The following CIBAR1 variants were observed in gnomAD, a reference collection of about 807,000 sequenced individuals.
CIBAR1 encodes the protein CBY1 interacting BAR domain containing 1, also known as CBY1-interacting BAR domain-containing protein 1.
In CIBAR1, 25 loss-of-function variants were observed where a neutral mutation model predicts 44.0. The ratio of observed to expected loss-of-function variants is 0.57; its 90% CI spans 0.41 to 0.79. The LOEUF (loss-of-function observed/expected upper bound fraction) is 0.79, where lower values mean the gene tolerates loss of function less well. CIBAR1 is among the 30% of genes least tolerant of loss of function. CIBAR1 has a pLI of 0.00. For synonymous variants in CIBAR1, 115 were observed against 119.0 expected (o/e 0.97, Z 0.22); for missense variants, 278 against 344.8 (o/e 0.81, Z 1.53).
chr8:93,723,510 TCC>T (rs573273691), intron 7 of CIBAR1, among the ~76,000 whole-genome samples: 60 of 151,942 alleles, frequency 3.9e-4, no homozygotes, highest in African/African-American at 1.3e-3. Context: ...GGTCTCCTTT[TCC>T]CCCCCTCATA....
chr8:93,700,561 G>C lies in CIBAR1; in HGVS notation c.-87G>C. 7.3e-7 allele frequency: 1 copy of C among 1,374,590 alleles called. No homozygotes were observed. Among genetic ancestry groups the C allele is most frequent in the Non-Finnish European group, 9.4e-7 (1 of 1,062,782 alleles). 85.1% of individuals were successfully genotyped at this position (1,374,590 alleles called of 1,614,324 possible). A position where few individuals can be genotyped will look rare whatever the true frequency, so the allele number is the denominator to read the frequency against. On this transcript the variant is annotated 5_prime_UTR_variant, in exon 1 of 9. Transcript: ENST00000518322. ...AGGGGCGGGCTTTCAGGCTCCCGGC[G>C]GCTGCTTGCGCCCCAGCGCGCGCCC...
chr8:93,714,434 C>A (rs985014027), intron 6 of CIBAR1, among the ~76,000 whole-genome samples: 31 of 152,266 alleles, frequency 2.0e-4, no homozygotes, highest in South Asian at 1.7e-3. Flanking sequence ...CTCCCATAAC[C>A]CTAGCAGACT....
chr8:93,709,987 A>C (rs1810757742), intron 6 of CIBAR1, 112 bp downstream of exon 6: 1 of 739,512 alleles, frequency 1.4e-6, no homozygotes, highest in Non-Finnish European at 2.2e-6. Context: ...TTATAAAGAA[A>C]ATATGATAAA....
intron 1 of CIBAR1, chr8:93,700,893 C>CCGGGTCT: frequency 7.6e-7 from 1 of 1,312,352 alleles, no homozygotes; most frequent in Non-Finnish European, 9.6e-7. Context: ...ACCCACGCCA[C>CCGGGTCT]CGGGTCTCGG....
intron 7 of CIBAR1, among the ~76,000 whole-genome samples, chr8:93,723,517 CT>C (rs751860720): frequency 3.3e-5 from 5 of 152,038 alleles, no homozygotes; most frequent in African/African-American, 9.7e-5. Context: ...TTTTCCCCCC[CT>C]CATAGATGTT....
intron 6 of CIBAR1, among the ~76,000 whole-genome samples, chr8:93,718,183 G>A (rs997632456): frequency 6.6e-5 from 10 of 152,278 alleles, no homozygotes; most frequent in Middle Eastern, 3.4e-3. Flanking sequence ...TCAGTGGCAG[G>A]AGTGTCATTA....
At chr8:93,717,986 T>C (rs1342984031) in intron 6 of CIBAR1, among the ~76,000 whole-genome samples, 2 of 152,120 alleles carry the variant, frequency 1.3e-5, no homozygotes, top group Admixed American at 1.3e-4. Flanking sequence ...GGTTTATCTG[T>C]GAAGGAAATG....
At chr8:93,701,047 C>G (rs1442859662) in intron 1 of CIBAR1, 177 bp from the exon 2 acceptor site, 6 of 1,451,464 alleles carry the variant, frequency 4.1e-6, no homozygotes, top group South Asian at 3.0e-5. Context: ...CTACACAGTC[C>G]GGATAGTGAG....
chr8:93,701,540 A>C, intron 2 of CIBAR1, 82 bp downstream of exon 2: 4 of 1,186,768 alleles, frequency 3.4e-6, no homozygotes, highest in Non-Finnish European at 4.8e-6. Flanking sequence ...TTTCACTTGT[A>C]ATCTACCTAA....
intron 1 of CIBAR1, 122 bp from the exon 2 acceptor site, chr8:93,701,102 C>G: frequency 6.7e-7 from 1 of 1,490,532 alleles, no homozygotes; most frequent in East Asian, 2.5e-5. Context: ...GACGCTGGGT[C>G]GTTGATGGGT....
intron 6 of CIBAR1, among the ~76,000 whole-genome samples, chr8:93,718,403 T>C (rs995720847): frequency 2.0e-5 from 3 of 152,192 alleles, no homozygotes; most frequent in Admixed American, 1.3e-4. Context: ...TTATTATAAA[T>C]GTCAATTACT....
Position 93,728,557 on chromosome 8 carries a change from C to T in CIBAR1, c.*260C>T. Reference sequence around the variant, plus strand: ...AAAGATGGTGTATTTCAAAGTATTTCATATTAATGTACTATATCTACTTGA... The same window carrying T: ...AAAGATGGTGTATTTCAAAGTATTTTATATTAATGTACTATATCTACTTGA... On this transcript the variant is annotated 3_prime_UTR_variant, in exon 9 of 9. Transcript: ENST00000518322. The T allele has an allele frequency of 6.9e-6, 2 of 291,892 alleles. No individual in the cohort carries two copies. Among genetic ancestry groups the T allele is most frequent in the Non-Finnish European group, 1.3e-5 (2 of 158,694 alleles). The allele number at this position is 291,892 out of a possible 1,614,324, so 18.1% of individuals were successfully genotyped here. A position where few individuals can be genotyped will look rare whatever the true frequency, so the allele number is the denominator to read the frequency against.
At chr8:93,708,513 G>A (rs1810693867) in intron 5 of CIBAR1, among the ~76,000 whole-genome samples, 1 of 152,132 alleles carries the variant, frequency 6.6e-6, no homozygotes, top group South Asian at 2.1e-4. Context: ...CATATGGCTA[G>A]TGGCCACCAT....
At chr8:93,700,797 C>T in intron 1 of CIBAR1, 124 bp downstream of exon 1, 1 of 1,350,576 alleles carries the variant, frequency 7.4e-7, no homozygotes, top group South Asian at 2.0e-5. Context: ...GCTGCACGGT[C>T]CCCGCTGTGA....
intron 7 of CIBAR1, chr8:93,719,965 T>A (rs1027567987): frequency 6.1e-5 from 8 of 131,322 alleles, no homozygotes; most frequent in African/African-American, 2.4e-4. Context: ...ATTCCCCCGA[T>A]TTTTTTTTTT....
chr8:93,715,301 G>A (rs921218477), intron 6 of CIBAR1: 1 of 152,168 alleles, frequency 6.6e-6, no homozygotes, highest in African/African-American at 2.4e-5. Flanking sequence ...TACTTAACCA[G>A]GAGTTGCTCC....
chr8:93,714,435 C>G (rs1810959817), intron 6 of CIBAR1, among the ~76,000 whole-genome samples: 1 of 152,160 alleles, frequency 6.6e-6, no homozygotes, highest in African/African-American at 2.4e-5. Context: ...TCCCATAACC[C>G]TAGCAGACTC....
intron 8 of CIBAR1, chr8:93,727,108 TA>T: frequency 1.1e-6 from 1 of 904,614 alleles, no homozygotes; most frequent in Non-Finnish European, 1.6e-6. Flanking sequence ...TGTGTTCTAA[TA>T]AAATTCTATT....
chr8:93,707,882 A>G (rs764271702), intron 4 of CIBAR1, 129 bp from the exon 5 acceptor site: 8 of 516,138 alleles, frequency 1.5e-5, no homozygotes, highest in Middle Eastern at 5.0e-4. Context: ...AGTAACCATA[A>G]TTGATATATG....
Sources: allele counts gnomAD v4.1 joint callset (sites outside exome capture counted in the v4.1 genomes callset), GRCh38; gene constraint gnomAD v4.1.1; transcripts MANE v1.5; gene names NCBI Gene and HGNC (gene_info 2026-07-23, HGNC 2026-07-21).